EPHA6: variants seen among roughly 807,000 people sequenced by gnomAD.
The protein encoded by EPHA6 is ephrin type-A receptor 6.
Under a neutral mutation model 112.0 loss-of-function variants are expected in EPHA6, and 50 were observed. The observed-to-expected ratio is 0.45, with a 90% CI of 0.36 to 0.56. The LOEUF (loss-of-function observed/expected upper bound fraction) is 0.56, where lower values mean the gene tolerates loss of function less well. Ranked by LOEUF, EPHA6 falls within the 20% of genes least tolerant of loss-of-function variation. The probability of loss-of-function intolerance (pLI) is 0.00; values close to 1 mark genes in which losing one functional copy is unlikely to be tolerated. For synonymous variants in EPHA6, 529 were observed against 490.7 expected (o/e 1.08, Z -1.03); for missense variants, 1,280 against 1,417.4 (o/e 0.90, Z 1.56).
chr3:96,894,319 T>C (rs2038144074), intron 2 of EPHA6, among the ~76,000 whole-genome samples: 1 of 152,068 alleles, frequency 6.6e-6, no homozygotes. Context: ...AATAACATAC[T>C]TTTAAATTTT....
At chr3:97,566,885 T>A (rs1171565066) in intron 11 of EPHA6, among the ~76,000 whole-genome samples, 1 of 152,162 alleles carries the variant, frequency 6.6e-6, no homozygotes, top group African/African-American at 2.4e-5. Context: ...TGAAAGGAAG[T>A]CCTAGAATTG....
At chr3:97,467,545 C>T (rs1039632194) in intron 7 of EPHA6, among the ~76,000 whole-genome samples, 11 of 151,734 alleles carry the variant, frequency 7.2e-5, no homozygotes, top group Non-Finnish European at 1.5e-4. Context: ...ATCATTGGTT[C>T]CAGGTCAGTG....
intron 2 of EPHA6, among the ~76,000 whole-genome samples, chr3:96,892,620 T>C (rs770694550): frequency 2.6e-5 from 4 of 152,036 alleles, no homozygotes; most frequent in Non-Finnish European, 5.9e-5. Context: ...AGTATTATTG[T>C]CTGTGTAATG....
At chr3:97,533,161 T>G (rs971318087) in intron 11 of EPHA6, among the ~76,000 whole-genome samples, 1 of 152,006 alleles carries the variant, frequency 6.6e-6, no homozygotes, top group African/African-American at 2.4e-5. Context: ...ATATTCACTT[T>G]CATTTGAAAA....
intron 5 of EPHA6, among the ~76,000 whole-genome samples, chr3:97,370,382 A>G (rs927538326): frequency 2.0e-5 from 3 of 152,204 alleles, no homozygotes; most frequent in Admixed American, 6.6e-5. Context: ...CTTGTATAAC[A>G]TGGAAAAAGT....
intron 2 of EPHA6, among the ~76,000 whole-genome samples, chr3:96,963,790 C>T (rs992124769): frequency 3.9e-5 from 6 of 152,070 alleles, no homozygotes; most frequent in East Asian, 3.9e-4. Context: ...ATAACATTTG[C>T]GGTAATCAGT....
intron 5 of EPHA6, among the ~76,000 whole-genome samples, chr3:97,306,888 A>ATT (rs565998568): frequency 7.1e-6 from 1 of 140,938 alleles, no homozygotes; most frequent in African/African-American, 2.6e-5. Flanking sequence ...TGTCACCTAC[A>ATT]TTTTTTTTTT....
intron 15 of EPHA6, among the ~76,000 whole-genome samples, chr3:97,732,145 G>A (rs568766926): frequency 1.9e-4 from 29 of 151,652 alleles, no homozygotes; most frequent in Admixed American, 6.6e-4. Flanking sequence ...CAAATCATTC[G>A]TGATCTCAAG....
chr3:97,276,940 C>T (rs959842534), intron 5 of EPHA6, among the ~76,000 whole-genome samples: 2 of 152,066 alleles, frequency 1.3e-5, no homozygotes, highest in Admixed American at 6.6e-5. Flanking sequence ...AACTGTAAGC[C>T]GGACCAGGTG....
At chr3:97,387,906 G>C (rs1173654836) in intron 5 of EPHA6, among the ~76,000 whole-genome samples, 1 of 152,146 alleles carries the variant, frequency 6.6e-6, no homozygotes, top group Admixed American at 6.5e-5. Context: ...GAAACTTACA[G>C]TCATAGCAGA....
intron 1 of EPHA6, among the ~76,000 whole-genome samples, chr3:96,847,317 G>A (rs547887978): frequency 1.3e-5 from 2 of 152,060 alleles, no homozygotes; most frequent in African/African-American, 2.4e-5. Context: ...ACATTTCTCA[G>A]CCCTGCTCCT....
chr3:97,496,162 G>A (rs967930261), intron 10 of EPHA6, among the ~76,000 whole-genome samples: 1 of 152,152 alleles, frequency 6.6e-6, no homozygotes, highest in South Asian at 2.1e-4. Context: ...TGATTGAAGT[G>A]TGAAGCACAT....
At chr3:97,714,245 C>T (rs1222431024) in intron 14 of EPHA6, among the ~76,000 whole-genome samples, 1 of 152,200 alleles carries the variant, frequency 6.6e-6, no homozygotes, top group African/African-American at 2.4e-5. Flanking sequence ...ACTGAGTGTA[C>T]ACTGGGTGCT....
intron 3 of EPHA6, among the ~76,000 whole-genome samples, chr3:97,176,850 A>T (rs73133011): frequency 1.5e-4 from 22 of 150,132 alleles, no homozygotes; most frequent in Admixed American, 2.6e-4. Context: ...TTTCTGTTTC[A>T]TTGATCTTTT....
intron 11 of EPHA6, among the ~76,000 whole-genome samples, chr3:97,539,609 C>T (rs1020192080): frequency 6.6e-6 from 1 of 152,146 alleles, no homozygotes. Context: ...ATGGTGTCTC[C>T]AAACTTGCTC....
intron 2 of EPHA6, among the ~76,000 whole-genome samples, chr3:96,928,683 C>T (rs1170322734): frequency 1.3e-5 from 2 of 152,036 alleles, no homozygotes; most frequent in Non-Finnish European, 2.9e-5. Context: ...TGTTAATTTC[C>T]TCTCTTGATG....
chr3:97,571,565 C>A (rs572852264), intron 11 of EPHA6, among the ~76,000 whole-genome samples: 1 of 151,818 alleles, frequency 6.6e-6, no homozygotes, highest in South Asian at 2.1e-4. Context: ...CCATTTTTTT[C>A]TTACTGTTTC....
intron 10 of EPHA6, among the ~76,000 whole-genome samples, chr3:97,516,590 ATTTAC>A (rs1264027989): frequency 6.6e-6 from 1 of 152,144 alleles, no homozygotes; most frequent in Non-Finnish European, 1.5e-5. Context: ...TAATAACGGA[ATTTAC>A]TTTAAGACTT....
intron 3 of EPHA6, among the ~76,000 whole-genome samples, chr3:97,126,602 A>C (rs1422434423): frequency 1.3e-5 from 2 of 152,132 alleles, no homozygotes; most frequent in African/African-American, 4.8e-5. Context: ...ACACCAAAAG[A>C]TGACAAATTA....
Sources: allele counts gnomAD v4.1 joint callset (sites outside exome capture counted in the v4.1 genomes callset), GRCh38; gene constraint gnomAD v4.1.1; transcripts MANE v1.5; gene names NCBI Gene and HGNC (gene_info 2026-07-23, HGNC 2026-07-21).